DISP1: variants seen among roughly 807,000 people sequenced by gnomAD.
DISP1 encodes protein dispatched homolog 1.
DISP1 carries 30 observed loss-of-function variants against 37.3 expected under a neutral mutation model. The observed-to-expected ratio is 0.80, with a 90% CI of 0.60 to 1.09. The LOEUF is 1.09. DISP1 is among the 50% of genes least tolerant of loss of function. The probability of loss-of-function intolerance (pLI) is 0.00; values close to 1 mark genes in which losing one functional copy is unlikely to be tolerated. For synonymous variants in DISP1, 634 were observed against 690.2 expected (o/e 0.92, Z 1.28); for missense variants, 1,598 against 1,879.5 (o/e 0.85, Z 2.77).
chr1:222,936,623 ATATCTC>A, intron 2 of DISP1, among the ~76,000 whole-genome samples: 2 of 116,218 alleles, frequency 1.7e-5, no homozygotes, highest in African/African-American at 7.1e-5. Flanking sequence ...TGAGATATAT[ATATCTC>A]TCATATATAT....
At chr1:222,865,278 G>C (rs2125333094) in intron 1 of DISP1, among the ~76,000 whole-genome samples, 1 of 152,164 alleles carries the variant, frequency 6.6e-6, no homozygotes, top group Non-Finnish European at 1.5e-5. Flanking sequence ...CATACTACCA[G>C]AGTAGGAAAA....
At chr1:222,903,486 T>C (rs143236840) in intron 1 of DISP1, among the ~76,000 whole-genome samples, 12 of 152,138 alleles carry the variant, frequency 7.9e-5, no homozygotes, top group Non-Finnish European at 1.8e-4. Context: ...TATGTCTAAA[T>C]ACATATTATA....
chr1:222,985,667 A>G (rs1678224618), intron 4 of DISP1, among the ~76,000 whole-genome samples: 1 of 152,130 alleles, frequency 6.6e-6, no homozygotes. Context: ...GGGAAAGAAA[A>G]AAACAAAAAG....
intron 3 of DISP1, among the ~76,000 whole-genome samples, chr1:222,955,738 T>A (rs1297632095): frequency 6.6e-6 from 1 of 152,164 alleles, no homozygotes; most frequent in Non-Finnish European, 1.5e-5. Context: ...CATTTACCAA[T>A]CTAGTGTAAG....
intron 3 of DISP1, among the ~76,000 whole-genome samples, chr1:222,977,091 G>T (rs190366225): frequency 3.9e-5 from 6 of 152,062 alleles, no homozygotes; most frequent in African/African-American, 1.4e-4. Context: ...GTACAATGGC[G>T]CGATCTCGGT....
chr1:222,984,877 G>A (rs149692860), intron 4 of DISP1, among the ~76,000 whole-genome samples: 5 of 152,052 alleles, frequency 3.3e-5, no homozygotes, highest in Admixed American at 1.3e-4. Flanking sequence ...CGTATGAGTC[G>A]AATCCTACAG....
At chr1:222,872,239 A>G (rs1043272270) in intron 1 of DISP1, 4 of 152,220 alleles carry the variant, frequency 2.6e-5, no homozygotes, top group Non-Finnish European at 4.4e-5. Flanking sequence ...ATATCGGTCT[A>G]AAATTCTCTT....
At chr1:222,877,548 A>C (rs1670034355) in intron 1 of DISP1, among the ~76,000 whole-genome samples, 1 of 152,230 alleles carries the variant, frequency 6.6e-6, no homozygotes, top group South Asian at 2.1e-4. Flanking sequence ...GGGTGGGGAC[A>C]CAGAGCCAAA....
chr1:222,918,099 C>T (rs529095680), intron 1 of DISP1, among the ~76,000 whole-genome samples: 73 of 152,240 alleles, frequency 4.8e-4, no homozygotes, highest in Admixed American at 2.7e-3. Flanking sequence ...AACGGCACCT[C>T]CCTGTTGGGA....
chr1:222,871,261 C>G (rs1160554840), intron 1 of DISP1, among the ~76,000 whole-genome samples: 1 of 152,148 alleles, frequency 6.6e-6, no homozygotes, highest in Admixed American at 6.5e-5. Context: ...TTAGGATTGA[C>G]TTGGCAATGT....
intron 2 of DISP1, among the ~76,000 whole-genome samples, chr1:222,938,759 A>AG (rs1674156468): frequency 3.9e-5 from 4 of 102,316 alleles, no homozygotes; most frequent in African/African-American, 7.2e-5. Flanking sequence ...AAAAAAAAAA[A>AG]AAAGGAAGGA....
chr1:222,850,269 A>T (rs1386218019), intron 1 of DISP1, among the ~76,000 whole-genome samples: 1 of 151,666 alleles, frequency 6.6e-6, no homozygotes, highest in Non-Finnish European at 1.5e-5. Context: ...CTTGATTATG[A>T]TTATTATTGT....
chr1:222,997,301 A>G (rs1026797481), intron 8 of DISP1, among the ~76,000 whole-genome samples: 3 of 152,176 alleles, frequency 2.0e-5, no homozygotes, highest in Non-Finnish European at 4.4e-5. Context: ...GTAACCTCCC[A>G]GCAGCCAGAG....
chr1:222,962,562 G>T (rs1676146850), intron 3 of DISP1, among the ~76,000 whole-genome samples: 1 of 152,128 alleles, frequency 6.6e-6, no homozygotes, highest in African/African-American at 2.4e-5. Flanking sequence ...AAACAGCATG[G>T]TACTGGTACC....
At chr1:222,964,160 A>G (rs2102607871) in intron 3 of DISP1, among the ~76,000 whole-genome samples, 1 of 152,132 alleles carries the variant, frequency 6.6e-6, no homozygotes, top group East Asian at 1.9e-4. Flanking sequence ...TTAGCCGGGC[A>G]TGGTGGTGGG....
chr1:222,846,880 A>G (rs572121004), intron 1 of DISP1, among the ~76,000 whole-genome samples: 19 of 152,258 alleles, frequency 1.2e-4, no homozygotes, highest in Non-Finnish European at 2.4e-4. Flanking sequence ...CACTGCGACT[A>G]ATTTTTTATG....
intron 3 of DISP1, among the ~76,000 whole-genome samples, chr1:222,973,878 G>A (rs1266904566): frequency 6.6e-6 from 1 of 152,178 alleles, no homozygotes; most frequent in Non-Finnish European, 1.5e-5. Flanking sequence ...TCTAGACCTG[G>A]CTCTGCCATT....
intron 1 of DISP1, among the ~76,000 whole-genome samples, chr1:222,919,987 C>A (rs1672721319): frequency 6.6e-6 from 1 of 152,122 alleles, no homozygotes; most frequent in South Asian, 2.1e-4. Flanking sequence ...AAGCCTTTAG[C>A]AATGATGACA....
At chr1:222,998,231 T>C (rs1403594883) in intron 8 of DISP1, among the ~76,000 whole-genome samples, 1 of 151,506 alleles carries the variant, frequency 6.6e-6, no homozygotes, top group African/African-American at 2.4e-5. Flanking sequence ...TGGCAGTTGT[T>C]CCTCTCCCCA....
Sources: allele counts gnomAD v4.1 joint callset (sites outside exome capture counted in the v4.1 genomes callset), GRCh38; gene constraint gnomAD v4.1.1; transcripts MANE v1.5; gene names NCBI Gene and HGNC (gene_info 2026-07-23, HGNC 2026-07-21).